Variants in UNC13C observed in about 807,000 individuals in gnomAD.
UNC13C encodes unc-13 homolog C, also known as protein unc-13 homolog C.
UNC13C carries 174 observed loss-of-function variants against 245.4 expected under a neutral mutation model. That is an observed-to-expected ratio of 0.71 (90% CI 0.63 to 0.80). The LOEUF (loss-of-function observed/expected upper bound fraction) is 0.80, where lower values mean the gene tolerates loss of function less well. Ranked by LOEUF, UNC13C falls within the 30% of genes least tolerant of loss-of-function variation. The probability of loss-of-function intolerance (pLI) is 0.00; values close to 1 mark genes in which losing one functional copy is unlikely to be tolerated. For missense variants in UNC13C, 2,829 were observed against 2,602.9 expected (o/e 1.09, Z -1.89); for synonymous variants, 992 against 895.1 (o/e 1.11, Z -1.93).
chr15:54,524,831 T>C (rs914195246), intron 24 of UNC13C, among the ~76,000 whole-genome samples: 1 of 152,206 alleles, frequency 6.6e-6, no homozygotes, highest in Non-Finnish European at 1.5e-5. Flanking sequence ...ATATTAATGG[T>C]AGGAAACTAA....
the UNC13C span, among the ~76,000 whole-genome samples, chr15:53,900,368 T>C: frequency 6.6e-6 from 1 of 152,216 alleles, no homozygotes; most frequent in Non-Finnish European, 1.5e-5. Flanking sequence ...TATTCTGTAC[T>C]TAAAGAATTA....
chr15:54,624,058 GCT>G, intron 32 of UNC13C, 104 bp downstream of exon 32: 5 of 1,422,282 alleles, frequency 3.5e-6, no homozygotes, highest in Non-Finnish European at 3.8e-6. Flanking sequence ...AATGAAGAAG[GCT>G]CTGTTTTTAG....
chr15:54,069,655 G>A (rs947039931), intron 2 of UNC13C, among the ~76,000 whole-genome samples: 5 of 152,144 alleles, frequency 3.3e-5, no homozygotes, highest in Non-Finnish European at 5.9e-5. Context: ...TACTTCGATT[G>A]CTTAAAAGGA....
chr15:54,593,054 C>T (rs910870261), intron 30 of UNC13C, among the ~76,000 whole-genome samples: 1 of 152,046 alleles, frequency 6.6e-6, no homozygotes, highest in Admixed American at 6.5e-5. Flanking sequence ...ACTATCTCTC[C>T]TTCATATATG....
intron 29 of UNC13C, among the ~76,000 whole-genome samples, chr15:54,562,556 G>T (rs1361630598): frequency 6.6e-6 from 1 of 151,904 alleles, no homozygotes; most frequent in Non-Finnish European, 1.5e-5. Context: ...ACTTACAAGT[G>T]GAAGTTTTGA....
the UNC13C span, among the ~76,000 whole-genome samples, chr15:53,922,669 C>T: frequency 3.9e-5 from 6 of 152,174 alleles, no homozygotes; most frequent in Non-Finnish European, 8.8e-5. Flanking sequence ...ACCATGCTTA[C>T]GTATTACAGA....
intron 17 of UNC13C, among the ~76,000 whole-genome samples, chr15:54,340,995 A>G (rs2038714900): frequency 6.6e-6 from 1 of 152,192 alleles, no homozygotes; most frequent in Non-Finnish European, 1.5e-5. Flanking sequence ...GAATGCTTAT[A>G]CACTGTTGGT....
intron 2 of UNC13C, among the ~76,000 whole-genome samples, chr15:54,038,122 A>ATTTTTTTTTTTTTTTT (rs1355738786): frequency 2.8e-4 from 14 of 50,244 alleles, no homozygotes; most frequent in African/African-American, 9.5e-4. Flanking sequence ...ATATATATAT[A>ATTTTTTTTTTTTTTTT]TATTTTTTTT....
chr15:53,859,512 T>C, the UNC13C span, among the ~76,000 whole-genome samples: 170 of 152,286 alleles, frequency 1.1e-3, no homozygotes, highest in Middle Eastern at 3.4e-3. Context: ...AAATTCTTTA[T>C]CATTATTTTA....
chr15:54,024,118 G>T (rs1193239038), intron 2 of UNC13C, among the ~76,000 whole-genome samples: 1 of 152,174 alleles, frequency 6.6e-6, no homozygotes, highest in Non-Finnish European at 1.5e-5. Context: ...GGGCAATTTA[G>T]GCTCTGGCAT....
chr15:53,955,593 T>C, the UNC13C span, among the ~76,000 whole-genome samples: 3 of 152,166 alleles, frequency 2.0e-5, no homozygotes, highest in South Asian at 4.1e-4. Context: ...TAAATACAGT[T>C]TGAGTATTTT....
At chr15:54,496,456 C>G (rs1445981997) in intron 20 of UNC13C, among the ~76,000 whole-genome samples, 1 of 151,914 alleles carries the variant, frequency 6.6e-6, no homozygotes, top group Non-Finnish European at 1.5e-5. Context: ...GGTATCTACC[C>G]AAAGGAAAAG....
the UNC13C span, among the ~76,000 whole-genome samples, chr15:53,889,056 G>A: frequency 4.1e-4 from 63 of 152,052 alleles, 1 homozygote; most frequent in African/African-American, 1.5e-3. Context: ...TCCATATGAA[G>A]TTTAAAGTAG....
intron 4 of UNC13C, among the ~76,000 whole-genome samples, chr15:54,151,075 T>G (rs1428657909): frequency 6.6e-6 from 1 of 152,152 alleles, no homozygotes; most frequent in African/African-American, 2.4e-5. Flanking sequence ...TAACATTCTT[T>G]CTTACTGAGT....
At chr15:54,457,262 C>G (rs1204262783) in intron 19 of UNC13C, among the ~76,000 whole-genome samples, 1 of 152,066 alleles carries the variant, frequency 6.6e-6, no homozygotes, top group African/African-American at 2.4e-5. Context: ...TTTTGACATG[C>G]TTTTGGATTC....
intron 2 of UNC13C, among the ~76,000 whole-genome samples, chr15:54,089,290 A>C (rs1374488671): frequency 6.6e-6 from 1 of 152,232 alleles, no homozygotes; most frequent in Non-Finnish European, 1.5e-5. Flanking sequence ...AGCTCTCTGT[A>C]GTCAGCAATT....
downstream of UNC13C, chr15:54,628,753 G>GCTA (rs1315867668): frequency 1.3e-5 from 2 of 152,180 alleles, no homozygotes; most frequent in African/African-American, 2.4e-5. Flanking sequence ...TGTCAGAATG[G>GCTA]TTATTATTAA....
At chr15:54,630,110 CACACAAAGGCAAAGCTCTG>C (rs963803488), downstream of UNC13C, 2 of 152,156 alleles carry the variant, frequency 1.3e-5, no homozygotes. Context: ...CTAGATAAAA[CACACAAAGGCAAAGCTCTG>C]TTGCTTGTCT....
chr15:54,604,262 T>C (rs1199052679), intron 30 of UNC13C, among the ~76,000 whole-genome samples: 4 of 152,200 alleles, frequency 2.6e-5, no homozygotes, highest in African/African-American at 9.7e-5. Context: ...AGTTAAAGAA[T>C]GTATAATTTC....
Sources: allele counts gnomAD v4.1 joint callset (sites outside exome capture counted in the v4.1 genomes callset), GRCh38; gene constraint gnomAD v4.1.1; transcripts MANE v1.5; gene names NCBI Gene and HGNC (gene_info 2026-07-23, HGNC 2026-07-21).